The following HEXB variants were observed in gnomAD, a reference collection of about 807,000 sequenced individuals.
HEXB encodes hexosaminidase subunit beta.
A neutral mutation model predicts 71.2 loss-of-function variants in HEXB; 51 were observed. The ratio of observed to expected loss-of-function variants is 0.72; its 90% CI spans 0.57 to 0.90. The LOEUF (loss-of-function observed/expected upper bound fraction) is 0.90, where lower values mean the gene tolerates loss of function less well. HEXB is among the 40% of genes least tolerant of loss of function. The probability of loss-of-function intolerance (pLI) is 0.00; values close to 1 mark genes in which losing one functional copy is unlikely to be tolerated. For missense variants in HEXB, 617 were observed against 677.0 expected (o/e 0.91, Z 0.98); for synonymous variants, 266 against 249.3 (o/e 1.07, Z -0.63).
chr5:74,698,477 C>T (rs553273098), intron 5 of HEXB, among the ~76,000 whole-genome samples: 41 of 150,800 alleles, frequency 2.7e-4, no homozygotes, highest in East Asian at 1.2e-3. Context: ...CTGCAACCTC[C>T]GCCTCCCGGA....
intron 5 of HEXB, among the ~76,000 whole-genome samples, chr5:74,699,253 T>C (rs958103507): frequency 1.3e-5 from 2 of 151,968 alleles, no homozygotes; most frequent in Non-Finnish European, 2.9e-5. Flanking sequence ...AATGAGACTG[T>C]ACTTTTGCTA....
At chr5:74,643,148 G>A (rs1050687715) in intron 1 of HEXB, among the ~76,000 whole-genome samples, 7 of 152,150 alleles carry the variant, frequency 4.6e-5, no homozygotes, top group African/African-American at 1.7e-4. Context: ...CTGTACTCTG[G>A]TTTGCTTGAG....
At chr5:74,670,654 T>C (rs1386826392) in intron 1 of HEXB, among the ~76,000 whole-genome samples, 1 of 152,208 alleles carries the variant, frequency 6.6e-6, no homozygotes, top group Admixed American at 6.5e-5. Context: ...AGTCAGGCTG[T>C]GGATGGCAAG....
At position 74,720,761 on chromosome 5, in the gene HEXB, T is replaced by TAA; in HGVS notation, c.1613+15_1613+16dup. The TAA allele has an allele frequency of 6.3e-7, 1 of 1,587,332 alleles. No homozygotes were observed. The highest frequency in any genetic ancestry group is 8.7e-7 in the Non-Finnish European group (1 of 1,155,732). On this transcript the variant is annotated intron_variant, in intron 13 of 13. Transcript: ENST00000261416. The stretch of plus-strand genomic sequence containing the variant: ...CAGGATGGTCGAGTAAGAAATCTAT[T>TAA]AAGTCCAGTGTGATTTTTAACCTTC...
At chr5:74,702,113 C>G (rs1293690203) in intron 5 of HEXB, among the ~76,000 whole-genome samples, 18 of 100,912 alleles carry the variant, frequency 1.8e-4, no homozygotes, top group Non-Finnish European at 2.6e-4. Flanking sequence ...GAGTCTCGCT[C>G]TGTCGCCCAG....
rs79187719 is a variant in HEXB, at chr5:74,666,276, C to T, written c.-376-23052C>T. ...AATAATACCAACAAAGGACAAAACA[C>T]CCTATTTTAGTAACCCCAGGCTTCA... On this transcript the variant is annotated intron_variant, in intron 1 of 13. Transcript: ENST00000511181. 5.7e-4 allele frequency among the ~76,000 whole-genome samples: 87 copies of T among 152,342 alleles called. 1 individual carries two copies. In the East Asian group the frequency reaches 0.017, roughly 29 times the overall value.
intron 1 of HEXB, among the ~76,000 whole-genome samples, chr5:74,655,697 C>G (rs933765174): frequency 6.6e-6 from 1 of 152,116 alleles, no homozygotes; most frequent in Admixed American, 6.5e-5. Flanking sequence ...GAGCATGTTA[C>G]TCTCCAAATT....
chr5:74,656,643 C>T (rs917483065), intron 1 of HEXB, among the ~76,000 whole-genome samples: 5 of 152,320 alleles, frequency 3.3e-5, no homozygotes, highest in East Asian at 3.9e-4. Flanking sequence ...CTCCCTCTTT[C>T]GCCCAGGCTG....
chr5:74,660,396 T>C (rs1748297505), intron 1 of HEXB, among the ~76,000 whole-genome samples: 1 of 152,158 alleles, frequency 6.6e-6, no homozygotes. Flanking sequence ...TCTGGGAAAA[T>C]TTTTGCTTTT....
intron 1 of HEXB, among the ~76,000 whole-genome samples, chr5:74,686,391 C>T (rs1748875755): frequency 6.6e-6 from 1 of 152,204 alleles, no homozygotes; most frequent in South Asian, 2.1e-4. Context: ...GAAGGCGTAT[C>T]GTGCCCTGCA....
At chr5:74,677,625 G>A (rs1009965217) in intron 1 of HEXB, among the ~76,000 whole-genome samples, 5 of 149,980 alleles carry the variant, frequency 3.3e-5, no homozygotes, top group African/African-American at 9.8e-5. Flanking sequence ...TTCCTGTCTC[G>A]CTCTCCCCAC....
chr5:74,664,256 CA>C (rs61357222), intron 1 of HEXB, among the ~76,000 whole-genome samples: 44 of 144,052 alleles, frequency 3.1e-4, no homozygotes, highest in Admixed American at 4.1e-4. Context: ...AACTCCATCT[CA>C]AAAAAAAAAA....
At chr5:74,688,412 G>A (rs551429896) in intron 1 of HEXB, among the ~76,000 whole-genome samples, 8 of 151,102 alleles carry the variant, frequency 5.3e-5, no homozygotes, top group African/African-American at 1.9e-4. Flanking sequence ...GCTCACTGCT[G>A]CAACCTCCAC....
At chr5:74,713,706 C>A (rs1749608072) in intron 7 of HEXB, 71 bp downstream of exon 7, 2 of 1,293,314 alleles carry the variant, frequency 1.5e-6, no homozygotes, top group Non-Finnish European at 2.2e-6. Flanking sequence ...TTCTGTCACC[C>A]AGGCTGGAGT....
At chr5:74,645,284 G>T (rs7705647) in intron 1 of HEXB, among the ~76,000 whole-genome samples, 30 of 152,190 alleles carry the variant, frequency 2.0e-4, no homozygotes, top group Non-Finnish European at 3.1e-4. Context: ...TCACTGCAGC[G>T]TATAACTCCT....
At chr5:74,650,936 A>G (rs1748094684) in intron 1 of HEXB, among the ~76,000 whole-genome samples, 1 of 151,804 alleles carries the variant, frequency 6.6e-6, no homozygotes, top group Non-Finnish European at 1.5e-5. Flanking sequence ...AAAAAAAAAA[A>G]AAAAAAAAAA....
chr5:74,671,014 G>GCAGGAAGTCTCCTGA (rs1748526947), intron 1 of HEXB, among the ~76,000 whole-genome samples: 1 of 152,148 alleles, frequency 6.6e-6, no homozygotes, highest in Admixed American at 6.5e-5. Flanking sequence ...AGCAAGGCTG[G>GCAGGAAGTCTCCTGA]CAGGAAGTCT....
intron 1 of HEXB, among the ~76,000 whole-genome samples, chr5:74,651,232 T>C (rs1748102050): frequency 6.6e-6 from 1 of 152,238 alleles, no homozygotes; most frequent in South Asian, 2.1e-4. Flanking sequence ...ACATATTTGC[T>C]AAATGGTGGC....
At chr5:74,693,903 T>C (rs1385659122) in intron 3 of HEXB, among the ~76,000 whole-genome samples, 199 bp downstream of exon 3, 1 of 152,224 alleles carries the variant, frequency 6.6e-6, no homozygotes, top group African/African-American at 2.4e-5. Context: ...ACGCCTGTAA[T>C]CCCAGCACTT....
Sources: allele counts gnomAD v4.1 joint callset (sites outside exome capture counted in the v4.1 genomes callset), GRCh38; gene constraint gnomAD v4.1.1; transcripts MANE v1.5; gene names NCBI Gene and HGNC (gene_info 2026-07-23, HGNC 2026-07-21).